The following NEK11 variants were observed in gnomAD, a reference collection of about 807,000 sequenced individuals.
NEK11 encodes the protein serine/threonine-protein kinase Nek11.
Under a neutral mutation model 80.7 loss-of-function variants are expected in NEK11, and 72 were observed. The observed-to-expected ratio is 0.89, with a 90% CI of 0.74 to 1.08. The LOEUF is 1.08. Ranked by LOEUF, NEK11 falls within the 50% of genes least tolerant of loss-of-function variation. NEK11 has a pLI of 0.00. For synonymous variants in NEK11, 251 were observed against 260.7 expected, an observed-to-expected ratio of 0.96 and a Z score of 0.36; for missense variants, 764 against 763.6, an observed-to-expected ratio of 1.00 and a Z score of -0.01.
intron 16 of NEK11, among the ~76,000 whole-genome samples, chr3:131,262,215 T>C (rs1409486144): frequency 6.6e-6 from 1 of 152,058 alleles, no homozygotes; most frequent in African/African-American, 2.4e-5. Flanking sequence ...CAAAAATCAC[T>C]GAAACTGACT....
intron 14 of NEK11, among the ~76,000 whole-genome samples, chr3:131,176,585 T>C (rs1489347685): frequency 1.3e-5 from 2 of 152,200 alleles, no homozygotes. Flanking sequence ...CTGAGGCATA[T>C]TTAATAATTT....
rs1366511060 is a variant in NEK11, at chr3:131,274,336, A to G, written c.1718+762A>G. On this transcript the variant is annotated intron_variant, in intron 17 of 17. Transcript: ENST00000383366. ...GTATTCCATGGTGTATATGTGCCAC[A>G]TTTTCTTAATCCAGTCTATCATTGT... is the stretch of plus-strand genomic sequence containing the variant. Among the ~76,000 whole-genome samples, 660 of 143,986 alleles carry G rather than the reference A, an allele frequency of 4.6e-3. 4 individuals are homozygous for G. The highest frequency in any genetic ancestry group is 0.016 in the African/African-American group (585 of 35,584). 94.5% of individuals were successfully genotyped at this position (143,986 alleles called of 152,430 possible).
At chr3:131,169,199 T>TC (rs2092505372) in intron 13 of NEK11, among the ~76,000 whole-genome samples, 1 of 152,160 alleles carries the variant, frequency 6.6e-6, no homozygotes, top group Non-Finnish European at 1.5e-5. Flanking sequence ...AGTGCTTTCC[T>TC]CCCCCTTGCC....
chr3:131,236,450 G>A (rs145994319), intron 15 of NEK11, among the ~76,000 whole-genome samples: 1 of 152,228 alleles, frequency 6.6e-6, no homozygotes, highest in African/African-American at 2.4e-5. Context: ...GGATACCTAT[G>A]AATGTCTTTG....
chr3:131,109,960 T>A, intron 5 of NEK11, 39 bp downstream of exon 5: 1 of 1,555,766 alleles, frequency 6.4e-7, no homozygotes, highest in Non-Finnish European at 8.6e-7. Context: ...GATATATTTT[T>A]AACAGTCATG....
intron 16 of NEK11, among the ~76,000 whole-genome samples, chr3:131,272,463 C>CT (rs869304359): frequency 0.048 from 2,106 of 43,762 alleles, 339 homozygotes; most frequent in Non-Finnish European, 0.073. Flanking sequence ...GTTTTAGCTT[C>CT]TTTTTTTTTT....
chr3:131,034,612 C>T (rs1475838280), intron 3 of NEK11, among the ~76,000 whole-genome samples: 3 of 152,202 alleles, frequency 2.0e-5, no homozygotes. Context: ...TGGTCTCGAT[C>T]TCCTGACCTT....
chr3:131,066,679 A>G (rs1413879550), intron 3 of NEK11, among the ~76,000 whole-genome samples: 1 of 151,852 alleles, frequency 6.6e-6, no homozygotes, highest in Admixed American at 6.6e-5. Context: ...ACTAAAAAAA[A>G]ATAAATACAA....
At chr3:131,108,393 T>C (rs184956396) in intron 4 of NEK11, among the ~76,000 whole-genome samples, 1 of 152,216 alleles carries the variant, frequency 6.6e-6, no homozygotes, top group South Asian at 2.1e-4. Flanking sequence ...GATAAGGACC[T>C]CTCCCACTCT....
chr3:131,204,449 T>G (rs992160125), intron 14 of NEK11, among the ~76,000 whole-genome samples: 1 of 152,168 alleles, frequency 6.6e-6, no homozygotes, highest in African/African-American at 2.4e-5. Flanking sequence ...TGGGGCAGTC[T>G]TGGGGACTGA....
At chr3:131,293,319 G>A (rs2096562113) in intron 17 of NEK11, among the ~76,000 whole-genome samples, 2 of 151,998 alleles carry the variant, frequency 1.3e-5, no homozygotes, top group Non-Finnish European at 2.9e-5. Context: ...TTTGTCAAAA[G>A]CTTTTGTTTG....
intron 14 of NEK11, among the ~76,000 whole-genome samples, chr3:131,225,067 G>A (rs991050158): frequency 2.6e-5 from 4 of 152,066 alleles, no homozygotes; most frequent in South Asian, 2.1e-4. Context: ...CTAGGCCTTC[G>A]CATTCACTCA....
intron 15 of NEK11, among the ~76,000 whole-genome samples, chr3:131,240,630 G>T (rs1300343700): frequency 6.6e-6 from 1 of 152,030 alleles, no homozygotes; most frequent in Non-Finnish European, 1.5e-5. Flanking sequence ...CATCATATTT[G>T]GCTTGGAATA....
At chr3:131,227,190 T>C (rs1333925622) in intron 14 of NEK11, among the ~76,000 whole-genome samples, 1 of 152,162 alleles carries the variant, frequency 6.6e-6, no homozygotes, top group Non-Finnish European at 1.5e-5. Context: ...TTTATTCTAC[T>C]GTACAGCAGC....
chr3:131,334,421 A>C lies in NEK11; in HGVS notation c.1719-15136A>C, dbSNP rs560861560. On this transcript the variant is annotated intron_variant, in intron 17 of 17. Transcript: ENST00000383366. ...ATAAAGATGTTCTTTGAAACCAATG[A>C]GAACAAAGACACAACATACCAGAAT... Among the ~76,000 whole-genome samples the C allele has an allele frequency of 5.9e-5, 9 of 151,946 alleles. No homozygotes were observed. The South Asian group carries it at 1.7e-3, about 28-fold the overall frequency.
intron 17 of NEK11, among the ~76,000 whole-genome samples, chr3:131,339,972 A>T (rs2097260277): frequency 6.6e-6 from 1 of 152,238 alleles, no homozygotes; most frequent in East Asian, 1.9e-4. Context: ...GAGCAATGCA[A>T]ATTGAGGGAC....
Position 131,221,011 on chromosome 3 carries a change from C to T in NEK11, c.1400-7517C>T, listed in dbSNP as rs139887201. Among the ~76,000 whole-genome samples the T allele has an allele frequency of 6.8e-3, 1,030 of 152,320 alleles. 6 individuals are homozygous for T. The highest frequency in any genetic ancestry group is 0.011 in the Non-Finnish European group (744 of 68,024). On this transcript the variant is annotated intron_variant, in intron 14 of 17. Coordinates refer to ENST00000383366, the MANE Select transcript of NEK11 (RefSeq NM_024800.5). ...GGTGGGGGAGTCTTAGGAAAAACATCTGTATCTCCTTCCTCTCCTCAGCTT... is the reference window on the plus strand; with the variant it reads ...GGTGGGGGAGTCTTAGGAAAAACATTTGTATCTCCTTCCTCTCCTCAGCTT...
chr3:131,090,817 T>C (rs529218402), intron 4 of NEK11, among the ~76,000 whole-genome samples: 1 of 152,286 alleles, frequency 6.6e-6, no homozygotes, highest in East Asian at 1.9e-4. Context: ...CAGGCTGGAG[T>C]GCAGTGGTGC....
Position 131,227,558 on chromosome 3 carries a change from T to G in NEK11, c.1400-970T>G, listed in dbSNP as rs531269542. ...GATTTTCTGACCCCAAATTTCATAT[T>G]TTTCCCACTAGACCAGAAATAGCAA... On this transcript the variant is annotated intron_variant, in intron 14 of 17. Coordinates refer to ENST00000383366, the MANE Select transcript of NEK11 (RefSeq NM_024800.5). 1.3e-3 allele frequency among the ~76,000 whole-genome samples: 197 copies of G among 152,232 alleles called. 1 individual carries two copies. The highest frequency in any genetic ancestry group is 2.1e-3 in the South Asian group (10 of 4,824).
Sources: allele counts gnomAD v4.1 joint callset (sites outside exome capture counted in the v4.1 genomes callset), GRCh38; gene constraint gnomAD v4.1.1; transcripts MANE v1.5; gene names NCBI Gene and HGNC (gene_info 2026-07-23, HGNC 2026-07-21).